Variants in NELL1 observed in about 807,000 individuals in gnomAD.
The protein encoded by NELL1 is protein kinase C-binding protein NELL1.
A neutral mutation model predicts 107.4 loss-of-function variants in NELL1; 76 were observed. The observed-to-expected ratio is 0.71, with a 90% CI of 0.59 to 0.86. The LOEUF (loss-of-function observed/expected upper bound fraction) is 0.86. Ranked by LOEUF, NELL1 falls within the 40% of genes least tolerant of loss-of-function variation. The pLI is 0.00. For missense variants in NELL1, 1,024 were observed against 1,005.5 expected, an observed-to-expected ratio of 1.02 and a Z score of -0.25; for synonymous variants, 353 against 341.2, an observed-to-expected ratio of 1.03 and a Z score of -0.38.
At chr11:21,140,901 C>T (rs1367279814) in intron 13 of NELL1, among the ~76,000 whole-genome samples, 1 of 151,976 alleles carries the variant, frequency 6.6e-6, no homozygotes, top group Non-Finnish European at 1.5e-5. Flanking sequence ...GATCATCAGA[C>T]TCTGGTTGAG....
intron 15 of NELL1, among the ~76,000 whole-genome samples, chr11:21,468,490 A>G (rs765266498): frequency 5.3e-5 from 8 of 152,044 alleles, no homozygotes; most frequent in South Asian, 2.1e-4. Context: ...CATTCCCATT[A>G]CAGTGTGAAT....
At chr11:20,885,568 G>A (rs772924419) in intron 5 of NELL1, 28 bp downstream of exon 5, 2 of 1,330,772 alleles carry the variant, frequency 1.5e-6, no homozygotes, top group East Asian at 2.3e-5. Context: ...TTTTATTGAA[G>A]TATATATATA....
chr11:21,158,647 T>C (rs988185003), intron 13 of NELL1, among the ~76,000 whole-genome samples: 1 of 152,212 alleles, frequency 6.6e-6, no homozygotes, highest in Non-Finnish European at 1.5e-5. Context: ...AGCATAGTTT[T>C]TGTCTGTATT....
chr11:20,965,307 G>A (rs1851367311), intron 12 of NELL1, among the ~76,000 whole-genome samples: 1 of 152,284 alleles, frequency 6.6e-6, no homozygotes, highest in Admixed American at 6.5e-5. Flanking sequence ...TTAGCAAATT[G>A]TCTGGTATTC....
Position 21,570,758 on chromosome 11 carries a change from A to G in NELL1, c.1981-6A>G. 2 of 1,610,434 alleles carry G rather than the reference A, an allele frequency of 1.2e-6. No homozygotes were observed. The highest frequency in any genetic ancestry group is 1.7e-6 in the Non-Finnish European group (2 of 1,177,826). ...ATGAAACCTCCTTAACTTCATTTCT[A>G]AACAGGATGGCAAGATATTCTGCCG... On this transcript the variant is annotated splice_polypyrimidine_tract_variant and splice_region_variant and intron_variant, in intron 17 of 19. Transcript: ENST00000357134.
chr11:21,568,135 T>C (rs1478272567), intron 17 of NELL1, among the ~76,000 whole-genome samples: 1 of 151,910 alleles, frequency 6.6e-6, no homozygotes, highest in Non-Finnish European at 1.5e-5. Context: ...ACACCTAGGC[T>C]ATTTGGTATA....
chr11:20,993,924 A>G (rs978327785), intron 12 of NELL1, among the ~76,000 whole-genome samples: 1 of 151,566 alleles, frequency 6.6e-6, no homozygotes, highest in African/African-American at 2.4e-5. Context: ...AGTACGAATC[A>G]GGCATTACCA....
rs183386815 is a variant in NELL1 at position 21,087,075 on chromosome 11, G to A, written c.1301-26514G>A. 5.3e-5 allele frequency among the ~76,000 whole-genome samples: 8 copies of A among 152,212 alleles called. No individual in the cohort carries two copies. In the East Asian group the frequency reaches 1.4e-3, roughly 26 times the overall value. The stretch of plus-strand genomic sequence containing the variant: ...AGGATGGTCTCGATCTCCTGACCTC[G>A]TGATCCGCACGCCTCGGCCGCCCAA... On this transcript the variant is annotated intron_variant, in intron 12 of 19. Transcript: ENST00000357134.
chr11:20,747,277 CAG>C (rs901167610), intron 2 of NELL1, among the ~76,000 whole-genome samples: 5 of 152,158 alleles, frequency 3.3e-5, no homozygotes, highest in African/African-American at 7.2e-5. Context: ...TTAGTGGAAA[CAG>C]AATGTGCTGA....
At chr11:21,230,726 T>A (rs1858025782) in intron 14 of NELL1, among the ~76,000 whole-genome samples, 1 of 152,204 alleles carries the variant, frequency 6.6e-6, no homozygotes, top group African/African-American at 2.4e-5. Context: ...GGGAAGAATT[T>A]TAAAAGATCA....
intron 5 of NELL1, among the ~76,000 whole-genome samples, chr11:20,894,960 C>G (rs940181469): frequency 1.3e-5 from 2 of 152,034 alleles, no homozygotes; most frequent in Non-Finnish European, 2.9e-5. Context: ...TCAACCTACT[C>G]TGCTATCAAA....
chr11:21,071,442 A>G (rs937992402), intron 12 of NELL1, among the ~76,000 whole-genome samples: 2 of 152,218 alleles, frequency 1.3e-5, no homozygotes, highest in Admixed American at 1.3e-4. Flanking sequence ...TAGTTGTTGT[A>G]TCATTATCAT....
At chr11:21,217,733 G>GT (rs1470132133) in intron 13 of NELL1, among the ~76,000 whole-genome samples, 3 of 152,070 alleles carry the variant, frequency 2.0e-5, no homozygotes, top group Admixed American at 1.3e-4. Context: ...AATTTTTTAA[G>GT]ATATGTAAAA....
intron 2 of NELL1, among the ~76,000 whole-genome samples, chr11:20,740,160 C>T (rs76600127): frequency 0.051 from 7,799 of 152,156 alleles, 633 homozygotes; most frequent in African/African-American, 0.18. Flanking sequence ...TTATAACAAC[C>T]CCCTGAGATG....
chr11:21,396,388 C>T (rs945978365), intron 15 of NELL1, among the ~76,000 whole-genome samples: 3 of 151,506 alleles, frequency 2.0e-5, no homozygotes, highest in African/African-American at 4.8e-5. Flanking sequence ...TAGTGAATAA[C>T]AAATGGTTTC....
chr11:21,274,756 C>T (rs547886738), intron 14 of NELL1, among the ~76,000 whole-genome samples: 44 of 152,248 alleles, frequency 2.9e-4, no homozygotes, highest in Admixed American at 7.2e-4. Flanking sequence ...CACTCAAAAC[C>T]GCTCAACTAC....
intron 16 of NELL1, among the ~76,000 whole-genome samples, chr11:21,541,593 C>T (rs915844744): frequency 1.3e-5 from 2 of 152,034 alleles, no homozygotes; most frequent in African/African-American, 4.8e-5. Flanking sequence ...ACAAACCTCA[C>T]TGAAGGGGAG....
chr11:21,037,611 T>A (rs1169591567), intron 12 of NELL1, among the ~76,000 whole-genome samples: 1 of 152,188 alleles, frequency 6.6e-6, no homozygotes, highest in Non-Finnish European at 1.5e-5. Flanking sequence ...ATTTTCCATT[T>A]TGAGAAAATC....
At chr11:21,239,224 T>A (rs1858286998) in intron 14 of NELL1, among the ~76,000 whole-genome samples, 1 of 152,102 alleles carries the variant, frequency 6.6e-6, no homozygotes, top group Non-Finnish European at 1.5e-5. Flanking sequence ...AAACATTATG[T>A]ATATAATACA....
Sources: gnomAD v4.1 joint callset for allele counts (sites outside exome capture counted in the v4.1 genomes callset) on GRCh38, gnomAD v4.1.1 for gene constraint, MANE v1.5 for transcripts, NCBI Gene and HGNC (gene_info 2026-07-23, HGNC 2026-07-21) for gene names.